Variants in BRIP1 observed in about 807,000 individuals in gnomAD.
BRIP1 encodes the protein BRCA1 interacting DNA helicase 1, also known as Fanconi anemia group J protein.
In BRIP1, 88 loss-of-function variants were observed where a neutral mutation model predicts 119.7. The observed-to-expected ratio is 0.74, with a 90% CI of 0.62 to 0.88. The LOEUF (loss-of-function observed/expected upper bound fraction) is 0.88. BRIP1 is among the 40% of genes least tolerant of loss of function. The pLI is 0.00. For missense variants in BRIP1, 1,259 were observed against 1,455.4 expected (o/e 0.87, Z 2.20); for synonymous variants, 443 against 496.5 (o/e 0.89, Z 1.43).
intron 6 of BRIP1, among the ~76,000 whole-genome samples, chr17:61,829,962 C>T (rs1195903288): frequency 1.6e-4 from 24 of 147,968 alleles, no homozygotes; most frequent in Admixed American, 1.4e-3. Flanking sequence ...GACGGAGTTT[C>T]GCTCTTGTTG....
rs899149781 is a variant in BRIP1 at position 61,762,239 on chromosome 17, A to G, written c.2097+14162T>C. 2.0e-5 allele frequency among the ~76,000 whole-genome samples: 3 copies of G among 152,124 alleles called. No individual in the cohort carries two copies. In the East Asian group the frequency reaches 5.8e-4, roughly 29 times the overall value. On this transcript the variant is annotated intron_variant, in intron 14 of 19. Coordinates refer to ENST00000259008, the MANE Select transcript of BRIP1 (RefSeq NM_032043.3). The surrounding 1 kb of genome is among the most constrained non-coding windows in gnomAD (Gnocchi z 4.3). ...TGGACCCTTATCTCACAATATTTAA[A>G]AAAAAACTCAAAATGAATTAAAGAT... is the stretch of plus-strand genomic sequence containing the variant.
rs2078016540 is a variant in BRIP1, at chr17:61,802,848, A to G, written c.919-1374T>C. Among the ~76,000 whole-genome samples the G allele has an allele frequency of 6.6e-6, 1 of 152,224 alleles. No homozygotes were observed. Among genetic ancestry groups the G allele is most frequent in the African/African-American group, 2.4e-5 (1 of 41,466 alleles). ...GTATTTTTAAGTTTCTTGAAAACATATAGTGAAATTATCCTCCAGAAAGTA... is the reference window on the plus strand; with the variant it reads ...GTATTTTTAAGTTTCTTGAAAACATGTAGTGAAATTATCCTCCAGAAAGTA... On this transcript the variant is annotated intron_variant, in intron 7 of 19. Transcript: ENST00000259008. The surrounding 1 kb of genome is among the most constrained non-coding windows in gnomAD (Gnocchi z 6.0).
Position 61,693,209 on chromosome 17 carries a change from G to A in BRIP1, c.2575+221C>T, listed in dbSNP as rs187531084. Among the ~76,000 whole-genome samples the A allele has an allele frequency of 1.3e-5, 2 of 152,070 alleles. No individual in the cohort carries two copies. The highest frequency in any genetic ancestry group is 1.9e-4 in the East Asian group (1 of 5,198). Reference sequence around the variant, plus strand: ...TATAGCGGTGGTTGTCAGTGGACAGGGGGGAGAGGGACATGGGGCATTGCT... The same window carrying A: ...TATAGCGGTGGTTGTCAGTGGACAGAGGGGAGAGGGACATGGGGCATTGCT... On this transcript the variant is annotated intron_variant, in intron 18 of 19. Transcript: ENST00000259008. The surrounding 1 kb of genome is among the most constrained non-coding windows in gnomAD (Gnocchi z 4.2).
At chr17:61,750,896 A>G (rs948433144) in intron 14 of BRIP1, among the ~76,000 whole-genome samples, 2 of 152,190 alleles carry the variant, frequency 1.3e-5, no homozygotes, top group African/African-American at 4.8e-5. Flanking sequence ...GTAAAATGGT[A>G]CAACTGCTGA....
In BRIP1 at chr17:61,703,653, C is replaced by T. The variant is rs938916205; in HGVS notation, c.2493-10141G>A. Among the ~76,000 whole-genome samples, 1 of 152,070 alleles carries T rather than the reference C, an allele frequency of 6.6e-6. No homozygotes were observed. The highest frequency in any genetic ancestry group is 6.6e-5 in the Admixed American group (1 of 15,260). On this transcript the variant is annotated intron_variant, in intron 17 of 19. Transcript: ENST00000259008. The surrounding 1 kb of genome is among the most constrained non-coding windows in gnomAD (Gnocchi z 5.0). Reference sequence around the variant, plus strand: ...CTCTTAAGTTTAATTAAGTCCCATTCGTCGATTTTGTTTTTGTTGCAATTG... The same window carrying T: ...CTCTTAAGTTTAATTAAGTCCCATTTGTCGATTTTGTTTTTGTTGCAATTG...
rs1417271143 is a variant in BRIP1, at chr17:61,820,962, A to G, written c.628-12205T>C. On this transcript the variant is annotated intron_variant, in intron 6 of 19. Transcript: ENST00000259008. ...GAGACTCTGTCTTAAAAAAAAAAAA[A>G]GAAAGAAAGAAAGAAAGTACACTCC... 3.4e-5 allele frequency among the ~76,000 whole-genome samples: 5 copies of G among 147,334 alleles called. No homozygotes were observed. In the East Asian group the frequency reaches 1.0e-3, roughly 30 times the overall value.
intron 18 of BRIP1, among the ~76,000 whole-genome samples, chr17:61,692,020 C>T (rs191539328): frequency 4.5e-4 from 69 of 152,276 alleles, no homozygotes; most frequent in Admixed American, 2.9e-3. Flanking sequence ...TTATTTGTTT[C>T]CTCCAAAGCT....
chr17:61,797,356 A>T (rs2077916560), intron 9 of BRIP1, among the ~76,000 whole-genome samples: 1 of 152,020 alleles, frequency 6.6e-6, no homozygotes, highest in African/African-American at 2.4e-5. Context: ...CACAGAAGCT[A>T]AGACAAAAAT....
At position 61,814,982 on chromosome 17, in the gene BRIP1, T is replaced by C. The variant is rs868818404; in HGVS notation, c.628-6225A>G. On this transcript the variant is annotated intron_variant, in intron 6 of 19. Transcript: ENST00000259008. The surrounding 1 kb of genome is among the most constrained non-coding windows in gnomAD (Gnocchi z 4.9). Reference sequence around the variant, plus strand: ...CAAAATTGTATTTTCCCCATAAAATTCTAAATAAGTTGATGATAGAAATAA... The same window carrying C: ...CAAAATTGTATTTTCCCCATAAAATCCTAAATAAGTTGATGATAGAAATAA... 3.3e-5 allele frequency among the ~76,000 whole-genome samples: 5 copies of C among 151,924 alleles called. No individual in the cohort carries two copies. Among genetic ancestry groups the C allele is most frequent in the South Asian group, 2.1e-4 (1 of 4,828 alleles).
rs2076823981 is a variant in BRIP1, at chr17:61,730,065, G to A, written c.2379+12948C>T. Among the ~76,000 whole-genome samples, 1 of 152,202 alleles carries A rather than the reference G, an allele frequency of 6.6e-6. No homozygotes were observed. Among genetic ancestry groups the A allele is most frequent in the Non-Finnish European group, 1.5e-5 (1 of 68,036 alleles). On this transcript the variant is annotated intron_variant, in intron 16 of 19. Transcript: ENST00000259008. The surrounding 1 kb of genome is among the most constrained non-coding windows in gnomAD (Gnocchi z 4.3). ...ACTTGATGCAGTAGGAAAATACACT[G>A]AGTTATTTGTATAGCTTACTATAGT...
chr17:61,766,973 A>G (rs1162914098), intron 14 of BRIP1, among the ~76,000 whole-genome samples: 1 of 152,180 alleles, frequency 6.6e-6, no homozygotes, highest in Non-Finnish European at 1.5e-5. Context: ...CAATGCTGCT[A>G]CTACTTAAAT....
At chr17:61,721,667 G>GACAT (rs2061978122) in intron 16 of BRIP1, among the ~76,000 whole-genome samples, 1 of 147,944 alleles carries the variant, frequency 6.8e-6, no homozygotes, top group Non-Finnish European at 1.5e-5. Context: ...GAATATAAAG[G>GACAT]ACATATAAAG....
chr17:61,849,285 A>G, intron 4 of BRIP1, 29 bp from the exon 5 acceptor site: 2 of 1,598,560 alleles, frequency 1.3e-6, no homozygotes, highest in Non-Finnish European at 1.7e-6. Context: ...AAAAAACAGC[A>G]TAAATAACTT....
chr17:61,727,367 T>C (rs972968103), intron 16 of BRIP1, among the ~76,000 whole-genome samples: 3 of 152,144 alleles, frequency 2.0e-5, no homozygotes, highest in Admixed American at 1.3e-4. Flanking sequence ...AAAGATTAAA[T>C]GAGTACTGGA....
At position 61,833,560 on chromosome 17, in the gene BRIP1, A is replaced by G. The variant is rs574956222; in HGVS notation, c.627+13541T>C. 3.3e-5 allele frequency among the ~76,000 whole-genome samples: 5 copies of G among 151,614 alleles called. No individual in the cohort carries two copies. The South Asian group carries it at 1.0e-3, about 32-fold the overall frequency. On this transcript the variant is annotated intron_variant, in intron 6 of 19. Transcript: ENST00000259008. ...GTGGCAGGCACCTGTAATCCCAGCT[A>G]CTCGAGCGGCTGAGGCAGGAGAATT...
chr17:61,815,519 A>G lies in BRIP1; in HGVS notation c.628-6762T>C, dbSNP rs906394945. 2.6e-5 allele frequency among the ~76,000 whole-genome samples: 4 copies of G among 152,174 alleles called. No homozygotes were observed. Among genetic ancestry groups the G allele is most frequent in the African/African-American group, 9.6e-5 (4 of 41,456 alleles). Reference sequence around the variant, plus strand: ...AAGAGAATTTCATAAAGTTTCCTCCACTGCTTCTGAACTCATTTCTATTTT... The same window carrying G: ...AAGAGAATTTCATAAAGTTTCCTCCGCTGCTTCTGAACTCATTTCTATTTT... On this transcript the variant is annotated intron_variant, in intron 6 of 19. Coordinates refer to ENST00000259008, the MANE Select transcript of BRIP1 (RefSeq NM_032043.3). This position sits in a 1 kb window ranked among gnomAD's most constrained non-coding sequence, Gnocchi z 4.1.
Position 61,809,094 on chromosome 17 carries a change from ATT to A in BRIP1, c.628-339_628-338del, listed in dbSNP as rs1439851538. On this transcript the variant is annotated intron_variant, in intron 6 of 19. Coordinates refer to ENST00000259008, the MANE Select transcript of BRIP1 (RefSeq NM_032043.3). The surrounding 1 kb of genome is among the most constrained non-coding windows in gnomAD (Gnocchi z 5.2). ...ATAAAACAAAGTAGGAACAATTTTA[ATT>A]TTTTCTTAGGCTTCATACGAACTTG... Among the ~76,000 whole-genome samples, 1 of 152,086 alleles carries A rather than the reference ATT, an allele frequency of 6.6e-6. No homozygotes were observed. Among genetic ancestry groups the A allele is most frequent in the Admixed American group, 6.6e-5 (1 of 15,266 alleles).
At chr17:61,696,721 C>T (rs913550721) in intron 17 of BRIP1, among the ~76,000 whole-genome samples, 18 of 149,542 alleles carry the variant, frequency 1.2e-4, no homozygotes, top group Non-Finnish European at 2.5e-4. Context: ...CGTGGTGGCT[C>T]ATGCCTGTAA....
rs1567781717 is a variant in BRIP1 at position 61,744,602 on chromosome 17, G to A, written c.2098-11C>T. On this transcript the variant is annotated splice_polypyrimidine_tract_variant and intron_variant, in intron 14 of 19. Coordinates refer to ENST00000259008, the MANE Select transcript of BRIP1 (RefSeq NM_032043.3). The surrounding 1 kb of genome is among the most constrained non-coding windows in gnomAD (Gnocchi z 5.0). ...TAATTTTTCTAATAACTAAAGAGGG[G>A]AAAGAAAAAAATGATTTTTTGTGTG... 3.1e-6 allele frequency: 5 copies of A among 1,610,696 alleles called. No homozygotes were observed. Among genetic ancestry groups the A allele is most frequent in the Non-Finnish European group, 4.2e-6 (5 of 1,177,280 alleles).
Sources: gnomAD v4.1 joint callset for allele counts (sites outside exome capture counted in the v4.1 genomes callset) on GRCh38, gnomAD v4.1.1 for gene constraint, Gnocchi (gnomAD v3.1) non-coding constraint, MANE v1.5 for transcripts, NCBI Gene and HGNC (gene_info 2026-07-23, HGNC 2026-07-21) for gene names.